Variants in ADAMTSL3 observed in about 807,000 individuals in gnomAD.
The protein encoded by ADAMTSL3 is ADAMTS like 3.
A neutral mutation model predicts 201.7 loss-of-function variants in ADAMTSL3; 128 were observed. The ratio of observed to expected loss-of-function variants is 0.63; its 90% CI spans 0.55 to 0.73. The LOEUF (loss-of-function observed/expected upper bound fraction) is 0.73. Among genes scored for constraint, ADAMTSL3 ranks in the 30% least tolerant of loss-of-function variants. ADAMTSL3 has a pLI of 0.00. For synonymous variants in ADAMTSL3, 738 were observed against 748.4 expected (o/e 0.99, Z 0.23); for missense variants, 1,990 against 2,119.6 (o/e 0.94, Z 1.20).
At chr15:83,955,742 A>T (rs988586203) in intron 19 of ADAMTSL3, among the ~76,000 whole-genome samples, 7 of 151,904 alleles carry the variant, frequency 4.6e-5, no homozygotes, top group Non-Finnish European at 1.5e-5. Flanking sequence ...GGGCTTCACG[A>T]CTCTGCCCAG....
At chr15:83,878,432 G>T (rs1486413313) in intron 9 of ADAMTSL3, among the ~76,000 whole-genome samples, 1 of 152,034 alleles carries the variant, frequency 6.6e-6, no homozygotes, top group Admixed American at 6.6e-5. Context: ...TGGCTAACAC[G>T]GTGAAACTCT....
intron 14 of ADAMTSL3, 115 bp from the exon 15 acceptor site, chr15:83,899,532 C>A (rs906218758): frequency 1.0e-5 from 10 of 991,984 alleles, no homozygotes; most frequent in Middle Eastern, 2.3e-4. Context: ...ACTCAACTTG[C>A]ATTTGAAAAA....
At chr15:83,756,818 A>C (rs770518718) in intron 3 of ADAMTSL3, among the ~76,000 whole-genome samples, 1 of 152,226 alleles carries the variant, frequency 6.6e-6, no homozygotes, top group Non-Finnish European at 1.5e-5. Context: ...TAAATACACC[A>C]TTCCAAATAG....
In ADAMTSL3 at chr15:83,684,640, C is replaced by T. The variant is rs142929836; in HGVS notation, c.70-19749C>T. On this transcript the variant is annotated intron_variant, in intron 2 of 29. Transcript: ENST00000286744. ...CAATTATACTGTGAGTATTCTGTAACGTGCTTCAATTACTGGGCATTATGT... is the reference window on the plus strand; with the variant it reads ...CAATTATACTGTGAGTATTCTGTAATGTGCTTCAATTACTGGGCATTATGT... Among the ~76,000 whole-genome samples, 15 of 152,240 alleles carry T rather than the reference C, an allele frequency of 9.9e-5. No homozygotes were observed. The East Asian group carries it at 1.7e-3, about 18-fold the overall frequency.
chr15:83,820,199 G>T (rs2063839510), intron 6 of ADAMTSL3, 152 bp downstream of exon 6: 2 of 638,438 alleles, frequency 3.1e-6, no homozygotes, highest in East Asian at 5.5e-5. Flanking sequence ...TCCCAGTTTT[G>T]TATTTTTATA....
At chr15:83,770,509 A>C (rs1438971853) in intron 3 of ADAMTSL3, among the ~76,000 whole-genome samples, 1 of 152,218 alleles carries the variant, frequency 6.6e-6, no homozygotes, top group African/African-American at 2.4e-5. Context: ...CTATAGCTTT[A>C]TCTGTAGAGA....
In ADAMTSL3 at chr15:83,962,957, T is replaced by G. The variant is rs192351528; in HGVS notation, c.2491-7527T>G. ...CTAGCCAAGGGAAGCCGTGAGGGACTGTGCTGTGAGGAATGGTGCAATCTA... is the reference window on the plus strand; with the variant it reads ...CTAGCCAAGGGAAGCCGTGAGGGACGGTGCTGTGAGGAATGGTGCAATCTA... On this transcript the variant is annotated intron_variant, in intron 19 of 29. Transcript: ENST00000286744. Among the ~76,000 whole-genome samples the G allele has an allele frequency of 5.3e-4, 81 of 152,342 alleles. 3 individuals carry two copies. The East Asian group carries it at 0.014, about 26-fold the overall frequency.
intron 8 of ADAMTSL3, among the ~76,000 whole-genome samples, chr15:83,868,818 T>G (rs913360774): frequency 6.6e-6 from 1 of 152,208 alleles, no homozygotes; most frequent in Non-Finnish European, 1.5e-5. Context: ...CTGAGACTCT[T>G]AGACACCATT....
chr15:83,715,612 T>C (rs891232893), intron 3 of ADAMTSL3, among the ~76,000 whole-genome samples: 1 of 152,206 alleles, frequency 6.6e-6, no homozygotes, highest in African/African-American at 2.4e-5. Flanking sequence ...AGCTCCAGAT[T>C]GTACTCTGCA....
At chr15:83,878,545 T>C (rs748097501) in intron 9 of ADAMTSL3, among the ~76,000 whole-genome samples, 3 of 151,858 alleles carry the variant, frequency 2.0e-5, no homozygotes, top group Admixed American at 6.6e-5. Flanking sequence ...ACCTGAAAGG[T>C]AGAGGTTGCA....
chr15:83,879,011 T>C (rs1485037824), intron 9 of ADAMTSL3, among the ~76,000 whole-genome samples: 1 of 152,186 alleles, frequency 6.6e-6, no homozygotes, highest in Non-Finnish European at 1.5e-5. Context: ...TTCAATGAAT[T>C]TGTCTATTTC....
Position 84,025,315 on chromosome 15 carries a change from G to C in ADAMTSL3, c.4535G>C (p.Arg1512Pro), listed in dbSNP as rs145644054. 1.2e-6 allele frequency: 2 copies of C among 1,614,100 alleles called. No homozygotes were observed. Among genetic ancestry groups the C allele is most frequent in the Non-Finnish European group, 1.7e-6 (2 of 1,179,996 alleles). The change falls in exon 27 of 30, where the codon CGG becomes CCG. Residue 1512 changes from arginine (R) to proline (P), a missense_variant. Coordinates refer to ENST00000286744, the MANE Select transcript of ADAMTSL3 (RefSeq NM_207517.3). ...GYHSRQVTCK[R>P]TKANGTVQVV... Reference sequence around the variant, plus strand: ...CACAGTCGGCAGGTGACGTGCAAGCGGACAAAAGCCAATGGAACTGTGCAG... The same window carrying C: ...CACAGTCGGCAGGTGACGTGCAAGCCGACAAAAGCCAATGGAACTGTGCAG...
At chr15:84,032,019 A>G (rs1596558173) in intron 28 of ADAMTSL3, among the ~76,000 whole-genome samples, 2 of 152,224 alleles carry the variant, frequency 1.3e-5, no homozygotes. Context: ...TGGCAGCTCT[A>G]CCATCCAAGA....
At chr15:83,897,696 A>C (rs1467877731) in intron 13 of ADAMTSL3, among the ~76,000 whole-genome samples, 162 bp from the exon 14 acceptor site, 1 of 152,230 alleles carries the variant, frequency 6.6e-6, no homozygotes, top group Admixed American at 6.5e-5. Context: ...TACAAGTATC[A>C]CAGAAAATTA....
rs1033352234 is a variant in ADAMTSL3 at position 84,019,778 on chromosome 15, G to C, written c.4274-1632G>C. 5.3e-5 allele frequency among the ~76,000 whole-genome samples: 8 copies of C among 151,316 alleles called. 1 individual carries two copies. Among genetic ancestry groups the C allele is most frequent in the African/African-American group, 1.9e-4 (8 of 41,148 alleles). On this transcript the variant is annotated intron_variant, in intron 25 of 29. Transcript: ENST00000286744. ...GCGGTGGTGCACACCTGTAATCCCA[G>C]CTTCTCAGGAGGCTGAGGCAGGAGA...
At chr15:83,688,134 TG>T (rs1289685551) in intron 2 of ADAMTSL3, among the ~76,000 whole-genome samples, 1 of 152,174 alleles carries the variant, frequency 6.6e-6, no homozygotes, top group East Asian at 1.9e-4. Context: ...AAAGTTTCCT[TG>T]AATGAAGGAA....
rs1254158644 is a variant in ADAMTSL3 at position 83,820,065 on chromosome 15, C to G, written c.600+18C>G. ...TCTGTCAGGTAAGCACACTTACCTC[C>G]CAATCCCCTGCTTTGGGGATGTGCC... On this transcript the variant is annotated intron_variant, in intron 6 of 29. Transcript: ENST00000286744. 1.3e-6 allele frequency: 2 copies of G among 1,588,260 alleles called. No individual in the cohort carries two copies. The highest frequency in any genetic ancestry group is 8.6e-7 in the Non-Finnish European group (1 of 1,156,482).
intron 8 of ADAMTSL3, among the ~76,000 whole-genome samples, chr15:83,867,448 C>T (rs1002193905): frequency 6.6e-6 from 1 of 152,164 alleles, no homozygotes; most frequent in Admixed American, 6.5e-5. Flanking sequence ...GTAGCAAAAC[C>T]TTAGCATTAA....
intron 13 of ADAMTSL3, among the ~76,000 whole-genome samples, chr15:83,893,891 T>G (rs1206848226): frequency 1.3e-5 from 2 of 152,200 alleles, no homozygotes; most frequent in African/African-American, 4.8e-5. Context: ...TGACTCAAGT[T>G]TCTCCAGCTT....
Sources: gnomAD v4.1 joint callset for allele counts (sites outside exome capture counted in the v4.1 genomes callset) on GRCh38, gnomAD v4.1.1 for gene constraint, MANE v1.5 for transcripts, NCBI Gene and HGNC (gene_info 2026-07-23, HGNC 2026-07-21) for gene names.